STAU2: variants seen among roughly 807,000 people sequenced by gnomAD.
STAU2 encodes staufen double-stranded RNA binding protein 2, also known as double-stranded RNA-binding protein Staufen homolog 2.
A neutral mutation model predicts 65.9 loss-of-function variants in STAU2; 20 were observed. The ratio of observed to expected loss-of-function variants is 0.30; its 90% CI spans 0.21 to 0.44. STAU2 has a LOEUF of 0.44. STAU2 is among the 20% of genes least tolerant of loss of function. The pLI, the probability that STAU2 is intolerant of heterozygous loss-of-function variation, is 1.00. For missense variants in STAU2, 558 were observed against 683.9 expected, an observed-to-expected ratio of 0.82 and a Z score of 2.05; for synonymous variants, 232 against 233.9, an observed-to-expected ratio of 0.99 and a Z score of 0.07.
intron 9 of STAU2, among the ~76,000 whole-genome samples, chr8:73,607,969 G>A (rs945226415): frequency 3.9e-5 from 6 of 152,106 alleles, no homozygotes; most frequent in African/African-American, 1.2e-4. Context: ...GAGCCACTAT[G>A]CAGTCTTAGC....
At chr8:73,530,076 G>A (rs1247944446) in intron 13 of STAU2, among the ~76,000 whole-genome samples, 2 of 152,098 alleles carry the variant, frequency 1.3e-5, no homozygotes, top group Admixed American at 6.6e-5. Context: ...TTGACTGCGA[G>A]GACAAAGGCC....
At chr8:73,642,100 C>T (rs191602868) in intron 6 of STAU2, among the ~76,000 whole-genome samples, 4 of 152,308 alleles carry the variant, frequency 2.6e-5, no homozygotes, top group Non-Finnish European at 2.9e-5. Context: ...GGATCACTCA[C>T]TAAATGTGTT....
chr8:73,488,686 C>A (rs1375780073), intron 13 of STAU2, among the ~76,000 whole-genome samples: 13 of 99,390 alleles, frequency 1.3e-4, no homozygotes, highest in Non-Finnish European at 2.5e-4. Context: ...AATAAGAAAT[C>A]CTTAAAAAAA....
chr8:73,743,166 CAG>C (rs1367102783), intron 1 of STAU2, among the ~76,000 whole-genome samples: 1 of 150,712 alleles, frequency 6.6e-6, no homozygotes, highest in Non-Finnish European at 1.5e-5. Context: ...GTAAGGAAAA[CAG>C]AAGTCTTACG....
chr8:73,527,818 C>T, intron 13 of STAU2: 1 of 1,521,910 alleles, frequency 6.6e-7, no homozygotes, highest in South Asian at 1.2e-5. Flanking sequence ...TAACAGAACA[C>T]ACGCAATCCA....
At chr8:73,582,629 A>C (rs1810072530) in intron 12 of STAU2, 141 bp downstream of exon 12, 1 of 604,628 alleles carries the variant, frequency 1.7e-6, no homozygotes, top group Non-Finnish European at 2.8e-6. Context: ...CCAGGAAAGC[A>C]AACACCAGGA....
intron 10 of STAU2, 140 bp downstream of exon 10, chr8:73,603,584 GGT>G (rs1811793491): frequency 9.4e-7 from 1 of 1,059,664 alleles, no homozygotes; most frequent in African/African-American, 1.6e-5. Flanking sequence ...CAAGTTGGTA[GGT>G]GAGCCTGGAC....
rs560459143 is a variant in STAU2, at chr8:73,651,489, C to T, written c.410+21618G>A. ...GACTCCCAGCTGAACAGCCTCTTCT[C>T]GGAGTCACTGCACGCACCCCTGGCT... On this transcript the variant is annotated intron_variant, in intron 6 of 14. Coordinates refer to ENST00000524300, the MANE Select transcript of STAU2 (RefSeq NM_001164380.2). 5.0e-5 allele frequency: 35 copies of T among 698,410 alleles called. No homozygotes were observed. The East Asian group carries it at 9.2e-4, about 18-fold the overall frequency. 43.3% of individuals were successfully genotyped at this position (698,410 alleles called of 1,614,324 possible).
intron 11 of STAU2, 146 bp downstream of exon 11, chr8:73,595,020 G>A: frequency 1.8e-6 from 1 of 557,128 alleles, no homozygotes; most frequent in Non-Finnish European, 3.0e-6. Context: ...TACTCCATAT[G>A]TTATTTTGTG....
intron 13 of STAU2, among the ~76,000 whole-genome samples, chr8:73,482,328 A>C (rs1349285092): frequency 4.3e-5 from 6 of 140,444 alleles, no homozygotes; most frequent in Admixed American, 1.5e-4. Flanking sequence ...AAGAAAACAG[A>C]AAGATTTATG....
chr8:73,516,546 AAG>A (rs1325765819), intron 13 of STAU2, among the ~76,000 whole-genome samples: 2 of 152,208 alleles, frequency 1.3e-5, no homozygotes, highest in Admixed American at 6.5e-5. Context: ...CTTAGAAACA[AAG>A]AGAGTAGGCC....
intron 3 of STAU2, chr8:73,727,742 T>A (rs73689039): frequency 6.6e-6 from 1 of 152,118 alleles, no homozygotes; most frequent in Non-Finnish European, 1.5e-5. Flanking sequence ...AGGAGTGGAA[T>A]TGCTGGGTCA....
intron 6 of STAU2, among the ~76,000 whole-genome samples, chr8:73,657,613 T>G (rs1816478778): frequency 6.6e-6 from 1 of 152,228 alleles, no homozygotes; most frequent in African/African-American, 2.4e-5. Context: ...TATTAGATTT[T>G]ATTTGCTCAT....
chr8:73,746,913 C>T, upstream of STAU2: 1 of 1,017,768 alleles, frequency 9.8e-7, no homozygotes, highest in Non-Finnish European at 1.2e-6. Context: ...CTCCGCCCGC[C>T]TCCCCGGCGC....
chr8:73,580,142 T>C (rs536307090), intron 12 of STAU2, among the ~76,000 whole-genome samples: 28 of 152,192 alleles, frequency 1.8e-4, no homozygotes, highest in Non-Finnish European at 3.1e-4. Context: ...GCTAAAAATT[T>C]GATCTTTAAA....
intron 13 of STAU2, among the ~76,000 whole-genome samples, chr8:73,519,272 G>C (rs558317273): frequency 2.2e-4 from 34 of 152,110 alleles, no homozygotes; most frequent in Non-Finnish European, 4.6e-4. Flanking sequence ...ATTATGCAAT[G>C]TCACTTAAGT....
rs138442377 is a variant in STAU2, at chr8:73,566,234, T to C, written c.1223-13915A>G. Among the ~76,000 whole-genome samples, 4 of 152,324 alleles carry C rather than the reference T, an allele frequency of 2.6e-5. No homozygotes were observed. In the East Asian group the frequency reaches 7.7e-4, roughly 29 times the overall value. ...AATAAAAGAACACACTTGAATAACATCACCCAAAAAGCCTGTTGAGTGTTT... is the reference window on the plus strand; with the variant it reads ...AATAAAAGAACACACTTGAATAACACCACCCAAAAAGCCTGTTGAGTGTTT... On this transcript the variant is annotated intron_variant, in intron 12 of 14. Transcript: ENST00000524300.
intron 6 of STAU2, among the ~76,000 whole-genome samples, chr8:73,658,052 T>A (rs1476211538): frequency 6.6e-6 from 1 of 150,924 alleles, no homozygotes; most frequent in African/African-American, 2.4e-5. Context: ...TCACACTCAG[T>A]AACACGGGGT....
intron 4 of STAU2, among the ~76,000 whole-genome samples, chr8:73,703,779 G>C (rs992678937): frequency 6.6e-6 from 1 of 152,196 alleles, no homozygotes; most frequent in African/African-American, 2.4e-5. Context: ...ACAGAAAGCA[G>C]ATTAGTAGCT....
Sources: allele counts gnomAD v4.1 joint callset (sites outside exome capture counted in the v4.1 genomes callset), GRCh38; gene constraint gnomAD v4.1.1; transcripts MANE v1.5; gene names NCBI Gene and HGNC (gene_info 2026-07-23, HGNC 2026-07-21).